The following CWF19L2 variants were observed in gnomAD, a reference collection of about 807,000 sequenced individuals.
CWF19L2 encodes CWF19 like cell cycle control factor 2.
In CWF19L2, 98 loss-of-function variants were observed where a neutral mutation model predicts 111.7. That is an observed-to-expected ratio of 0.88 (90% CI 0.75 to 1.04). CWF19L2 has a LOEUF of 1.04. Among genes scored for constraint, CWF19L2 ranks in the 50% least tolerant of loss-of-function variants. CWF19L2 has a pLI of 0.00. For synonymous variants in CWF19L2, 351 were observed against 342.9 expected (o/e 1.02, Z -0.26); for missense variants, 1,101 against 1,051.4 (o/e 1.05, Z -0.65).
intron 12 of CWF19L2, among the ~76,000 whole-genome samples, chr11:107,368,760 C>T (rs1860468462): frequency 7.3e-6 from 1 of 137,494 alleles, no homozygotes. Flanking sequence ...GAAATATTCC[C>T]GAACAGTGTT....
At chr11:107,337,360 G>A (rs1452728743) in intron 14 of CWF19L2, among the ~76,000 whole-genome samples, 6 of 142,150 alleles carry the variant, frequency 4.2e-5, no homozygotes, top group East Asian at 2.1e-4. Context: ...TTGTGGAGGT[G>A]TGTGTTTTGT....
At position 107,326,940 on chromosome 11, in the gene CWF19L2, T is replaced by C. The variant is rs768311939; in HGVS notation, c.2655A>G (p.Pro885=). Residue 885 remains proline, a synonymous_variant, in exon 18 of 18, where the codon CCA becomes CCG. Coordinates refer to ENST00000282251, the MANE Select transcript of CWF19L2 (RefSeq NM_152434.3). ...KALQFAQWWK[P]YDFTKSKNY Reference sequence around the variant, plus strand: ...AGTTTTTACTTTTGGTGAAGTCATATGGTTTCCACCACTGAGCAAACTGCA... The same window carrying C: ...AGTTTTTACTTTTGGTGAAGTCATACGGTTTCCACCACTGAGCAAACTGCA... 4 of 1,607,280 alleles carry C rather than the reference T, an allele frequency of 2.5e-6. No individual in the cohort carries two copies. Among genetic ancestry groups the C allele is most frequent in the Admixed American group, 3.4e-5 (2 of 58,614 alleles).
At chr11:107,403,383 TA>T in intron 10 of CWF19L2, 1 of 726,142 alleles carries the variant, frequency 1.4e-6, no homozygotes, top group South Asian at 1.4e-5. Flanking sequence ...TTAGAACACA[TA>T]AAACATGGCA....
intron 12 of CWF19L2, among the ~76,000 whole-genome samples, chr11:107,386,170 T>C (rs917242817): frequency 2.0e-5 from 3 of 152,108 alleles, no homozygotes; most frequent in Non-Finnish European, 2.9e-5. Context: ...AGTACCACCA[T>C]ACCCAGCTGA....
chr11:107,446,168 C>T (rs1283771903), intron 3 of CWF19L2, among the ~76,000 whole-genome samples: 2 of 152,118 alleles, frequency 1.3e-5, no homozygotes, highest in Non-Finnish European at 2.9e-5. Flanking sequence ...TGCAGCTGAA[C>T]CCAATTAGAT....
chr11:107,443,385 A>C (rs1861659091), intron 3 of CWF19L2, among the ~76,000 whole-genome samples: 1 of 152,132 alleles, frequency 6.6e-6, no homozygotes, highest in African/African-American at 2.4e-5. Context: ...CAGGAGGCTA[A>C]GGCAGGAGAA....
intron 12 of CWF19L2, among the ~76,000 whole-genome samples, chr11:107,386,298 G>A (rs1860765450): frequency 6.6e-6 from 1 of 152,006 alleles, no homozygotes; most frequent in Admixed American, 6.6e-5. Flanking sequence ...ACAGGTGTGA[G>A]CCGCCACTCC....
intron 2 of CWF19L2, 66 bp from the exon 3 acceptor site, chr11:107,454,638 G>T: frequency 1.8e-6 from 2 of 1,122,756 alleles, no homozygotes; most frequent in Non-Finnish European, 2.3e-6. Context: ...GATGTATTCT[G>T]AGAGAAAAAA....
At chr11:107,405,329 T>C (rs1861061046) in intron 10 of CWF19L2, among the ~76,000 whole-genome samples, 1 of 152,164 alleles carries the variant, frequency 6.6e-6, no homozygotes, top group African/African-American at 2.4e-5. Context: ...TACAGAAAAG[T>C]CTGCCAATCT....
intron 16 of CWF19L2, among the ~76,000 whole-genome samples, chr11:107,334,526 T>C (rs1470528874): frequency 3.3e-5 from 5 of 152,192 alleles, no homozygotes; most frequent in Non-Finnish European, 5.9e-5. Context: ...CTCAGTATAA[T>C]TGCAGAACAA....
chr11:107,410,315 C>T (rs1861138899), intron 10 of CWF19L2, among the ~76,000 whole-genome samples: 1 of 151,904 alleles, frequency 6.6e-6, no homozygotes, highest in African/African-American at 2.4e-5. Context: ...TAATCAAGGC[C>T]CTGGATCTGA....
At chr11:107,378,095 A>T (rs1860621862) in intron 12 of CWF19L2, among the ~76,000 whole-genome samples, 1 of 150,852 alleles carries the variant, frequency 6.6e-6, no homozygotes, top group Admixed American at 6.6e-5. Context: ...TAGAATGGCA[A>T]TCATTAAAAA....
chr11:107,400,244 A>AAAAC (rs71044298), intron 10 of CWF19L2, among the ~76,000 whole-genome samples: 124,426 of 151,324 alleles, frequency 0.82, 51,686 homozygotes, highest in African/African-American at 0.94. Flanking sequence ...GAAATTGAAA[A>AAAAC]AAACAAACCA....
At chr11:107,382,145 G>A (rs959621131) in intron 12 of CWF19L2, among the ~76,000 whole-genome samples, 1 of 152,160 alleles carries the variant, frequency 6.6e-6, no homozygotes, top group African/African-American at 2.4e-5. Flanking sequence ...TTAAATGGAA[G>A]AGTTTATATT....
chr11:107,413,044 G>C (rs959475783), intron 10 of CWF19L2, among the ~76,000 whole-genome samples: 4 of 152,188 alleles, frequency 2.6e-5, no homozygotes, highest in African/African-American at 7.2e-5. Context: ...TACTACAATG[G>C]TGGATACATG....
chr11:107,445,806 A>T (rs1256157942), intron 3 of CWF19L2, among the ~76,000 whole-genome samples: 2 of 152,092 alleles, frequency 1.3e-5, no homozygotes, highest in Non-Finnish European at 2.9e-5. Context: ...CATTACAAAG[A>T]CTGCTAGTTA....
intron 8 of CWF19L2, among the ~76,000 whole-genome samples, chr11:107,421,703 T>C (rs1444586661): frequency 6.6e-6 from 1 of 152,096 alleles, no homozygotes; most frequent in Admixed American, 6.6e-5. Flanking sequence ...AGACTGACCA[T>C]TCCAAGTTTT....
chr11:107,449,137 C>CAAAAAAAAAAAAAAAAAAA (rs34294840), intron 3 of CWF19L2, among the ~76,000 whole-genome samples: 1 of 85,824 alleles, frequency 1.2e-5, no homozygotes, highest in Admixed American at 1.3e-4. Context: ...TTTTACAGTG[C>CAAAAAAAAAAAAAAAAAAA]AAAAAAAAAA....
rs1212065938 is a variant in CWF19L2 at position 107,376,033 on chromosome 11, C to G, written c.1872+14041G>C. ...ATCTAGAAGAAATGGATAAATTCCT[C>G]GACACATACACTCTCCCAAGACTAA... is the stretch of plus-strand genomic sequence containing the variant. On this transcript the variant is annotated intron_variant, in intron 12 of 17. Transcript: ENST00000282251. Among the ~76,000 whole-genome samples the G allele has an allele frequency of 8.2e-5, 10 of 122,058 alleles. 1 individual carries two copies. Among genetic ancestry groups the G allele is most frequent in the South Asian group, 2.7e-4 (1 of 3,692 alleles). 80.1% of individuals were successfully genotyped at this position (122,058 alleles called of 152,430 possible). A position where few individuals can be genotyped will look rare whatever the true frequency, so the allele number is the denominator to read the frequency against.
Sources: gnomAD v4.1 joint callset for allele counts (sites outside exome capture counted in the v4.1 genomes callset) on GRCh38, gnomAD v4.1.1 for gene constraint, MANE v1.5 for transcripts, NCBI Gene and HGNC (gene_info 2026-07-23, HGNC 2026-07-21) for gene names.